The following FERMT2 variants were observed in gnomAD, a reference collection of about 807,000 sequenced individuals.
FERMT2 encodes fermitin family homolog 2.
Under a neutral mutation model 82.7 loss-of-function variants are expected in FERMT2, and 15 were observed. The observed-to-expected ratio is 0.18, with a 90% CI of 0.12 to 0.28. FERMT2 has a LOEUF of 0.28. FERMT2 is among the 10% of genes least tolerant of loss of function. The pLI is 1.00. For missense variants in FERMT2, 645 were observed against 809.4 expected (o/e 0.80, Z 2.46); for synonymous variants, 274 against 271.5 (o/e 1.01, Z -0.09).
In FERMT2 at chr14:52,892,159, G is replaced by GGTTTTTTTTTTTT. The variant is rs1555368978; in HGVS notation, c.526+1133_526+1134insAAAAAAAAAAAAC. ...GAATATGCAAAGCAGAGAGAAGGCTGTTTTTTGTTTTTTTTTTTTTTTTTT... is the reference window on the plus strand; with the variant it reads ...GAATATGCAAAGCAGAGAGAAGGCTGGTTTTTTTTTTTTTTTTTTGTTTTTTTTTTTTTTTTTT... On this transcript the variant is annotated intron_variant, in intron 4 of 14. Transcript: ENST00000341590. Among the ~76,000 whole-genome samples the GGTTTTTTTTTTTT allele has an allele frequency of 4.4e-4, 35 of 78,816 alleles. 1 individual carries two copies. Among genetic ancestry groups the GGTTTTTTTTTTTT allele is most frequent in the African/African-American group, 1.3e-3 (32 of 25,548 alleles). The allele number at this position is 78,816 out of a possible 152,430, so 51.7% of individuals were successfully genotyped here.
intron 6 of FERMT2, among the ~76,000 whole-genome samples, chr14:52,879,312 G>C (rs1280620138): frequency 6.6e-6 from 1 of 152,168 alleles, no homozygotes; most frequent in South Asian, 2.1e-4. Flanking sequence ...ACTGCAGATT[G>C]AGTATCCCTT....
chr14:52,924,573 G>A (rs1011777445), intron 2 of FERMT2, among the ~76,000 whole-genome samples: 2 of 152,104 alleles, frequency 1.3e-5, no homozygotes, highest in African/African-American at 4.8e-5. Context: ...GGTGATGGGG[G>A]TATGCAAGAG....
At chr14:52,907,125 C>T (rs946864854) in intron 3 of FERMT2, among the ~76,000 whole-genome samples, 1 of 152,132 alleles carries the variant, frequency 6.6e-6, no homozygotes, top group African/African-American at 2.4e-5. Context: ...CGATCCTCCC[C>T]GCTTAACCTC....
intron 2 of FERMT2, among the ~76,000 whole-genome samples, chr14:52,946,165 G>A (rs746567171): frequency 1.3e-4 from 19 of 151,722 alleles, no homozygotes; most frequent in Non-Finnish European, 8.8e-5. Flanking sequence ...ATGAGCCACC[G>A]TGCCCAGCCA....
chr14:52,912,511 CTTT>C (rs1252702778), intron 3 of FERMT2, among the ~76,000 whole-genome samples: 1 of 139,244 alleles, frequency 7.2e-6, no homozygotes. Flanking sequence ...CAGATCACTA[CTTT>C]TTTTTTTTTT....
chr14:52,885,055 G>C (rs1051444819), intron 4 of FERMT2, among the ~76,000 whole-genome samples: 1 of 152,038 alleles, frequency 6.6e-6, no homozygotes. Context: ...GCTCATGCCT[G>C]TAATGCCCGC....
intron 3 of FERMT2, among the ~76,000 whole-genome samples, chr14:52,906,946 TGGGG>T (rs35563714): frequency 1.1e-4 from 5 of 46,204 alleles, no homozygotes; most frequent in African/African-American, 3.9e-4. Context: ...CATCAATTAT[TGGGG>T]GGGGGGGGGG....
At chr14:52,897,673 A>C (rs926661525) in intron 3 of FERMT2, among the ~76,000 whole-genome samples, 1 of 152,032 alleles carries the variant, frequency 6.6e-6, no homozygotes, top group African/African-American at 2.4e-5. Context: ...TGGTTATTTC[A>C]ACGTTACTCT....
intron 4 of FERMT2, among the ~76,000 whole-genome samples, chr14:52,888,867 T>G (rs990124121): frequency 2.0e-5 from 3 of 152,212 alleles, no homozygotes; most frequent in Non-Finnish European, 2.9e-5. Context: ...AATTAATTTT[T>G]TTTTTCTTTA....
chr14:52,880,347 T>G (rs923772031), intron 6 of FERMT2, among the ~76,000 whole-genome samples: 1 of 152,224 alleles, frequency 6.6e-6, no homozygotes, highest in Non-Finnish European at 1.5e-5. Flanking sequence ...GAAACTTTTA[T>G]TTAAATATAG....
At chr14:52,870,003 A>G in intron 10 of FERMT2, among the ~76,000 whole-genome samples, 1 of 152,252 alleles carries the variant, frequency 6.6e-6, no homozygotes, top group East Asian at 1.9e-4. Flanking sequence ...ATAAGGATAT[A>G]AAGAAAATAT....
chr14:52,864,962 A>G lies in FERMT2; in HGVS notation c.1274-109T>C, dbSNP rs1885179648. 1.4e-5 allele frequency: 10 copies of G among 694,024 alleles called. No homozygotes were observed. The South Asian group carries it at 1.8e-4, about 13-fold the overall frequency. The allele number at this position is 694,024 out of a possible 1,614,324, so 43.0% of individuals were successfully genotyped here. On this transcript the variant is annotated intron_variant, in intron 10 of 14. Coordinates refer to ENST00000341590, the MANE Select transcript of FERMT2 (RefSeq NM_006832.3). Reference sequence around the variant, plus strand: ...ATCTTAACATGTTGGATTTTGCCATAGTATTTTATGAAGGCATCTGCTGCA... The same window carrying G: ...ATCTTAACATGTTGGATTTTGCCATGGTATTTTATGAAGGCATCTGCTGCA...
intron 3 of FERMT2, among the ~76,000 whole-genome samples, chr14:52,911,580 G>A (rs968235227): frequency 4.0e-5 from 6 of 151,818 alleles, no homozygotes; most frequent in African/African-American, 1.2e-4. Flanking sequence ...GAACCCGGGA[G>A]GCAGAGCTTG....
chr14:52,899,223 G>A (rs990990567), intron 3 of FERMT2, among the ~76,000 whole-genome samples: 8 of 151,996 alleles, frequency 5.3e-5, no homozygotes, highest in African/African-American at 1.9e-4. Context: ...TTTTGCAGTA[G>A]CTCAGGGCTC....
Position 52,881,491 on chromosome 14 carries a change from A to G in FERMT2, c.527-22T>C, listed in dbSNP as rs1886294427. ...CTTCCTAATAAGTAACATGAAAAAC[A>G]GGTAGTAAGTATGCAGTACAGCATC... is the stretch of plus-strand genomic sequence containing the variant. On this transcript the variant is annotated intron_variant, in intron 4 of 14. Transcript: ENST00000341590. 2.0e-6 allele frequency: 3 copies of G among 1,519,938 alleles called. No individual in the cohort carries two copies. In the African/African-American group the frequency reaches 4.1e-5, roughly 21 times the overall value. The allele number at this position is 1,519,938 out of a possible 1,614,324, so 94.2% of individuals were successfully genotyped here.
In FERMT2 at chr14:52,858,337, A is replaced by G. The variant is rs768450230; in HGVS notation, c.*40T>C. 6.5e-7 allele frequency: 1 copy of G among 1,544,716 alleles called. No homozygotes were observed. Among genetic ancestry groups the G allele is most frequent in the Admixed American group, 1.7e-5 (1 of 58,428 alleles). ...TAACAAACAGCTTTTAAAGTTAAATATTGTTATGGCCGTGGAGTTTCATTA... is the reference window on the plus strand; with the variant it reads ...TAACAAACAGCTTTTAAAGTTAAATGTTGTTATGGCCGTGGAGTTTCATTA... On this transcript the variant is annotated 3_prime_UTR_variant, in exon 15 of 15. Transcript: ENST00000341590.
intron 4 of FERMT2, among the ~76,000 whole-genome samples, chr14:52,889,322 T>C: frequency 6.6e-6 from 1 of 152,228 alleles, no homozygotes; most frequent in East Asian, 1.9e-4. Flanking sequence ...CAAATGTCCC[T>C]TAGGACATTC....
chr14:52,877,638 T>C (rs1886052805), intron 7 of FERMT2, among the ~76,000 whole-genome samples: 1 of 122,588 alleles, frequency 8.2e-6, no homozygotes, highest in Admixed American at 1.1e-4. Context: ...AATGTCAACT[T>C]TTTGGGTCAC....
chr14:52,869,708 T>G (rs1027417193), intron 10 of FERMT2, among the ~76,000 whole-genome samples: 1 of 152,246 alleles, frequency 6.6e-6, no homozygotes, highest in Non-Finnish European at 1.5e-5. Flanking sequence ...TTCATCATTA[T>G]TTTACAAAGT....
Sources: allele counts gnomAD v4.1 joint callset (sites outside exome capture counted in the v4.1 genomes callset), GRCh38; gene constraint gnomAD v4.1.1; transcripts MANE v1.5; gene names NCBI Gene and HGNC (gene_info 2026-07-23, HGNC 2026-07-21).